The following ANO1 variants were observed in gnomAD, a reference collection of about 807,000 sequenced individuals.
ANO1 encodes anoctamin 1.
ANO1 carries 59 observed loss-of-function variants against 124.0 expected under a neutral mutation model. The observed-to-expected ratio is 0.48, with a 90% CI of 0.39 to 0.59. ANO1 has a LOEUF of 0.59. ANO1 is among the 20% of genes least tolerant of loss of function. The pLI, the probability that ANO1 is intolerant of heterozygous loss-of-function variation, is 0.00. For missense variants in ANO1, 1,059 were observed against 1,328.0 expected (o/e 0.80, Z 3.15); for synonymous variants, 529 against 532.0 (o/e 0.99, Z 0.08).
At chr11:70,134,295 CAAGT>C (rs1220259096) in intron 11 of ANO1, among the ~76,000 whole-genome samples, 1 of 152,166 alleles carries the variant, frequency 6.6e-6, no homozygotes, top group African/African-American at 2.4e-5. Context: ...GCATGACCCA[CAAGT>C]AAGTGTGACC....
At chr11:70,097,379 TGTCCCTGCTATGGG>T (rs1379953125) in intron 2 of ANO1, among the ~76,000 whole-genome samples, 2 of 152,192 alleles carry the variant, frequency 1.3e-5, no homozygotes, top group African/African-American at 4.8e-5. Context: ...TTCATAGCAG[TGTCCCTGCTATGGG>T]GAGCCAGGTC....
chr11:70,186,383 GAAGGAAGGAAGGAAGA>G (rs1209615460), intron 25 of ANO1, among the ~76,000 whole-genome samples: 1 of 151,282 alleles, frequency 6.6e-6, no homozygotes, highest in Non-Finnish European at 1.5e-5. Context: ...AGGAAGGAAG[GAAGGAAGGAAGGAAGA>G]AAGACATGGA....
chr11:70,001,402 G>A (rs1240637464), intron 1 of ANO1, among the ~76,000 whole-genome samples: 1 of 152,052 alleles, frequency 6.6e-6, no homozygotes, highest in South Asian at 2.1e-4. Context: ...ATGAAAGCCC[G>A]CAACTGGAAG....
intron 2 of ANO1, among the ~76,000 whole-genome samples, chr11:70,094,870 T>C (rs2044776776): frequency 6.6e-6 from 1 of 152,242 alleles, no homozygotes; most frequent in African/African-American, 2.4e-5. Context: ...TGGCCTGATT[T>C]TCTTTTGGCT....
At chr11:70,125,490 T>C (rs1429535409) in intron 9 of ANO1, among the ~76,000 whole-genome samples, 1 of 138,188 alleles carries the variant, frequency 7.2e-6, no homozygotes, top group Non-Finnish European at 1.5e-5. Context: ...CGCTCCAGCC[T>C]GGGCAACAGG....
intron 10 of ANO1, 70 bp from the exon 11 acceptor site, chr11:70,131,849 A>T: frequency 6.6e-7 from 1 of 1,525,640 alleles, no homozygotes; most frequent in South Asian, 1.2e-5. Context: ...CTCCCAGGCC[A>T]GCTCGGCACC....
chr11:70,127,708 AG>A (rs2046580023), intron 10 of ANO1, among the ~76,000 whole-genome samples: 1 of 152,126 alleles, frequency 6.6e-6, no homozygotes, highest in Non-Finnish European at 1.5e-5. Flanking sequence ...AAAAAAAAAA[AG>A]AGTCAAGTTT....
chr11:70,167,368 C>T lies in ANO1; in HGVS notation c.2178C>T (p.Thr726=). ...DYNLEPFAGL[T]PEYMEMIIQF... ...ACCTGGAGCCCTTCGCGGGCCTCAC[C>T]CCAGAGTACATGGAAATGAGTGAGT... is the stretch of plus-strand genomic sequence containing the variant. Residue 726 remains threonine (T), a synonymous_variant, in exon 21 of 26, where the codon ACC becomes ACT. Transcript: ENST00000355303. 1.2e-6 allele frequency: 2 copies of T among 1,612,448 alleles called. No individual in the cohort carries two copies. The highest frequency in any genetic ancestry group is 1.7e-6 in the Non-Finnish European group (2 of 1,179,140).
intron 24 of ANO1, among the ~76,000 whole-genome samples, chr11:70,184,675 A>T (rs1207639401): frequency 6.6e-6 from 1 of 152,204 alleles, no homozygotes; most frequent in Non-Finnish European, 1.5e-5. Flanking sequence ...TTCTTTCGCA[A>T]ATGTTTGATA....
At chr11:70,024,021 G>A (rs577871888) in intron 1 of ANO1, among the ~76,000 whole-genome samples, 3 of 152,330 alleles carry the variant, frequency 2.0e-5, no homozygotes, top group East Asian at 1.9e-4. Context: ...GAATCCGGGG[G>A]TCTAATGTTT....
chr11:70,187,587 T>C, intron 25 of ANO1, 151 bp from the exon 26 acceptor site: 1 of 994,238 alleles, frequency 1.0e-6, no homozygotes, highest in Non-Finnish European at 1.4e-6. Context: ...CTATGCCTCC[T>C]TTATAGCTTC....
chr11:70,130,943 C>T (rs2046732645), intron 10 of ANO1, among the ~76,000 whole-genome samples: 1 of 152,238 alleles, frequency 6.6e-6, no homozygotes, highest in African/African-American at 2.4e-5. Flanking sequence ...AGCCGCCCCA[C>T]CAGGCGGATG....
chr11:70,149,870 C>A (rs1019166529), intron 12 of ANO1, 78 bp downstream of exon 12: 1 of 1,501,170 alleles, frequency 6.7e-7, no homozygotes, highest in Non-Finnish European at 9.1e-7. Context: ...GGGACTTACA[C>A]GGAGGCCCGA....
At chr11:70,170,577 C>G (rs562801768) in intron 21 of ANO1, among the ~76,000 whole-genome samples, 2 of 152,138 alleles carry the variant, frequency 1.3e-5, no homozygotes, top group East Asian at 1.9e-4. Flanking sequence ...GGTGACAGAT[C>G]GAGACTATCT....
At chr11:70,020,343 G>T (rs535310668) in intron 1 of ANO1, among the ~76,000 whole-genome samples, 1 of 152,238 alleles carries the variant, frequency 6.6e-6, no homozygotes, top group East Asian at 1.9e-4. Context: ...TGCTGGTGGT[G>T]GGGTCAGTTC....
intron 1 of ANO1, among the ~76,000 whole-genome samples, chr11:69,992,216 A>AGATG (rs59821789): frequency 0.42 from 62,102 of 146,918 alleles, 13,453 homozygotes; most frequent in South Asian, 0.58. Flanking sequence ...ACGAATGGAT[A>AGATG]GATGGATGGA....
the ANO1 span, among the ~76,000 whole-genome samples, chr11:69,969,896 G>A: frequency 6.6e-6 from 1 of 152,112 alleles, no homozygotes; most frequent in African/African-American, 2.4e-5. Context: ...GCAGTGAGCT[G>A]AGATCATGCC....
At chr11:70,014,294 C>T (rs58607515) in intron 1 of ANO1, among the ~76,000 whole-genome samples, 2 of 73,888 alleles carry the variant, frequency 2.7e-5, no homozygotes, top group South Asian at 5.4e-4. Context: ...GGACAACGTG[C>T]AGGAGCTCTT....
In ANO1 at chr11:70,161,205, A is replaced by G. The variant is rs2276066; in HGVS notation, c.1623A>G (p.Arg541=). ...TCGTCCTCGGCGTCATCATCTACAGAATCTCCATGGCCGCCGCCTTGGCCA... is the reference window on the plus strand; with the variant it reads ...TCGTCCTCGGCGTCATCATCTACAGGATCTCCATGGCCGCCGCCTTGGCCA... ...FAIVLGVIIY[R]ISMAAALAMN... is the part of the protein sequence containing the mutation. Residue 541 remains arginine, a synonymous_variant, in exon 17 of 26, where the codon AGA becomes AGG. Transcript: ENST00000355303. 1,047,872 of 1,613,528 alleles carry G rather than the reference A, an allele frequency of 0.65. 343,815 individuals carry two copies. The highest frequency in any genetic ancestry group is 0.82 in the East Asian group (36,565 of 44,848).
Sources: allele counts gnomAD v4.1 joint callset (sites outside exome capture counted in the v4.1 genomes callset), GRCh38; gene constraint gnomAD v4.1.1; transcripts MANE v1.5; gene names NCBI Gene and HGNC (gene_info 2026-07-23, HGNC 2026-07-21).